The following LYPD6 variants were observed in gnomAD, a reference collection of about 807,000 sequenced individuals.
LYPD6 encodes ly6/PLAUR domain-containing protein 6.
A neutral mutation model predicts 22.7 loss-of-function variants in LYPD6; 15 were observed. The observed-to-expected ratio is 0.66, with a 90% CI of 0.44 to 1.02. The LOEUF is 1.02. LYPD6 is among the 50% of genes least tolerant of loss of function. LYPD6 has a pLI of 0.00. For missense variants in LYPD6, 189 were observed against 208.4 expected (o/e 0.91, Z 0.57); for synonymous variants, 72 against 77.5 (o/e 0.93, Z 0.37).
chr2:149,396,620 TAG>T (rs1302693501), intron 1 of LYPD6, among the ~76,000 whole-genome samples: 1 of 152,166 alleles, frequency 6.6e-6, no homozygotes, highest in Non-Finnish European at 1.5e-5. Context: ...TTTGTTGCAT[TAG>T]AGTCTTTCTT....
intron 1 of LYPD6, among the ~76,000 whole-genome samples, chr2:149,353,461 T>C (rs1234307502): frequency 6.6e-6 from 1 of 152,230 alleles, no homozygotes; most frequent in Non-Finnish European, 1.5e-5. Context: ...TTTGTCAACA[T>C]TAGACCAGCT....
At chr2:149,340,917 T>C (rs940355176) in intron 1 of LYPD6, among the ~76,000 whole-genome samples, 1 of 152,096 alleles carries the variant, frequency 6.6e-6, no homozygotes, top group Non-Finnish European at 1.5e-5. Context: ...TTCACTGTTC[T>C]TTGACTCGCC....
chr2:149,380,658 A>T (rs982869701), intron 1 of LYPD6, among the ~76,000 whole-genome samples: 2 of 152,144 alleles, frequency 1.3e-5, no homozygotes, highest in African/African-American at 4.8e-5. Flanking sequence ...CCTCCAGGAG[A>T]AAACGTTGGG....
intron 1 of LYPD6, among the ~76,000 whole-genome samples, chr2:149,361,380 G>A (rs998903918): frequency 1.3e-5 from 2 of 152,106 alleles, no homozygotes; most frequent in Non-Finnish European, 2.9e-5. Flanking sequence ...CCTACAAAAG[G>A]GTAACTTCTA....
chr2:149,362,571 T>C (rs1048143916), intron 1 of LYPD6, among the ~76,000 whole-genome samples: 1 of 152,180 alleles, frequency 6.6e-6, no homozygotes, highest in Admixed American at 6.6e-5. Flanking sequence ...AGGCAACTTA[T>C]AAACAATATA....
chr2:149,464,962 C>T (rs766969455), intron 3 of LYPD6, among the ~76,000 whole-genome samples: 4 of 151,896 alleles, frequency 2.6e-5, no homozygotes, highest in East Asian at 1.9e-4. Context: ...GGAGATAATG[C>T]GTTGGGTTGA....
intron 3 of LYPD6, among the ~76,000 whole-genome samples, chr2:149,458,210 C>T (rs1579245): frequency 0.6 from 91,031 of 151,932 alleles, 28,555 homozygotes; most frequent in East Asian, 0.85. Context: ...AAAGGTGACA[C>T]TTGTCCCTCC....
intron 2 of LYPD6, among the ~76,000 whole-genome samples, chr2:149,447,379 C>T (rs2105160756): frequency 6.6e-6 from 1 of 152,264 alleles, no homozygotes; most frequent in Admixed American, 6.5e-5. Context: ...AGAGGCAACT[C>T]ACCAGTGGGA....
intron 1 of LYPD6, among the ~76,000 whole-genome samples, chr2:149,410,445 T>C (rs1682827026): frequency 2.0e-5 from 3 of 152,112 alleles, no homozygotes; most frequent in Admixed American, 6.6e-5. Context: ...GAGTTAGAAA[T>C]GGTGGTCTCA....
intron 3 of LYPD6, among the ~76,000 whole-genome samples, chr2:149,452,992 A>G (rs1680870848): frequency 6.6e-6 from 1 of 152,182 alleles, no homozygotes; most frequent in Admixed American, 6.5e-5. Flanking sequence ...TTCCAGATTC[A>G]TAGTACTATA....
intron 1 of LYPD6, among the ~76,000 whole-genome samples, chr2:149,341,390 C>A (rs1681158882): frequency 6.6e-6 from 1 of 152,080 alleles, no homozygotes; most frequent in South Asian, 2.1e-4. Context: ...TTACGTATAC[C>A]TGTATTTTGT....
intron 1 of LYPD6, among the ~76,000 whole-genome samples, chr2:149,429,028 C>T (rs1238778234): frequency 2.6e-5 from 4 of 152,144 alleles, no homozygotes; most frequent in Non-Finnish European, 4.4e-5. Context: ...TGGTTTTGCT[C>T]TCCCAGCATC....
chr2:149,331,390 C>A (rs755130395), intron 1 of LYPD6, among the ~76,000 whole-genome samples: 4 of 152,212 alleles, frequency 2.6e-5, no homozygotes, highest in Non-Finnish European at 5.9e-5. Flanking sequence ...CGTTCAGTTA[C>A]AACCTAAAGC....
At chr2:149,405,583 C>T (rs972777764) in intron 1 of LYPD6, among the ~76,000 whole-genome samples, 8 of 152,196 alleles carry the variant, frequency 5.3e-5, no homozygotes, top group East Asian at 3.9e-4. Context: ...TGGTGATATC[C>T]GCTTTATCAT....
intron 1 of LYPD6, among the ~76,000 whole-genome samples, chr2:149,403,066 T>G (rs1252863995): frequency 6.6e-6 from 1 of 152,052 alleles, no homozygotes; most frequent in Non-Finnish European, 1.5e-5. Context: ...GAACTCATCC[T>G]TTTTTATGGC....
chr2:149,375,575 T>C (rs1478320450), intron 1 of LYPD6, among the ~76,000 whole-genome samples: 1 of 152,114 alleles, frequency 6.6e-6, no homozygotes, highest in Non-Finnish European at 1.5e-5. Context: ...ATCAGAAAAA[T>C]GTTTGGGGTT....
intron 1 of LYPD6, among the ~76,000 whole-genome samples, chr2:149,411,649 G>T (rs899498631): frequency 6.6e-6 from 1 of 152,182 alleles, no homozygotes; most frequent in African/African-American, 2.4e-5. Context: ...ATTTGACAAA[G>T]AAATGATAGT....
intron 1 of LYPD6, among the ~76,000 whole-genome samples, chr2:149,403,065 C>T (rs1682599231): frequency 1.3e-5 from 2 of 151,972 alleles, no homozygotes; most frequent in Admixed American, 1.3e-4. Context: ...TGAACTCATC[C>T]TTTTTTATGG....
intron 1 of LYPD6, among the ~76,000 whole-genome samples, chr2:149,418,949 G>C (rs919692249): frequency 6.6e-6 from 1 of 152,272 alleles, no homozygotes; most frequent in East Asian, 1.9e-4. Context: ...ATGAAACCAG[G>C]CTGCTTCAAT....
Sources: gnomAD v4.1 joint callset for allele counts (sites outside exome capture counted in the v4.1 genomes callset) on GRCh38, gnomAD v4.1.1 for gene constraint, MANE v1.5 for transcripts, NCBI Gene and HGNC (gene_info 2026-07-23, HGNC 2026-07-21) for gene names.